Variants in SEMA4F observed in about 807,000 individuals in gnomAD.
SEMA4F encodes the protein semaphorin-4F.
A neutral mutation model predicts 78.4 loss-of-function variants in SEMA4F; 51 were observed. The ratio of observed to expected loss-of-function variants is 0.65; its 90% CI spans 0.52 to 0.82. SEMA4F has a LOEUF of 0.82. SEMA4F is among the 40% of genes least tolerant of loss of function. SEMA4F has a pLI of 0.00. For synonymous variants in SEMA4F, 418 were observed against 408.7 expected, an observed-to-expected ratio of 1.02 and a Z score of -0.27; for missense variants, 938 against 1,014.4, an observed-to-expected ratio of 0.92 and a Z score of 1.02.
the SEMA4F span, among the ~76,000 whole-genome samples, chr2:74,698,013 C>T: frequency 6.6e-6 from 1 of 152,136 alleles, no homozygotes; most frequent in Non-Finnish European, 1.5e-5. Flanking sequence ...TTGTCCAGGC[C>T]CTGGAATCAG....
chr2:74,655,548 C>T (rs1006949118), intron 1 of SEMA4F, among the ~76,000 whole-genome samples: 1 of 152,116 alleles, frequency 6.6e-6, no homozygotes, highest in Non-Finnish European at 1.5e-5. Flanking sequence ...AGACTAGTGC[C>T]ATATAGGGAT....
chr2:74,667,509 A>AT (rs1179794508), intron 5 of SEMA4F, among the ~76,000 whole-genome samples: 3 of 152,118 alleles, frequency 2.0e-5, no homozygotes, highest in Non-Finnish European at 4.4e-5. Context: ...ATATATTTTG[A>AT]TTGGCATTTC....
the SEMA4F span, among the ~76,000 whole-genome samples, chr2:74,693,769 C>T: frequency 2.0e-5 from 3 of 152,132 alleles, no homozygotes; most frequent in African/African-American, 7.2e-5. Flanking sequence ...AAATTGTCCT[C>T]TATCAGTTCA....
At chr2:74,663,170 C>G (rs1326712808) in intron 5 of SEMA4F, among the ~76,000 whole-genome samples, 3 of 152,160 alleles carry the variant, frequency 2.0e-5, no homozygotes, top group Non-Finnish European at 2.9e-5. Flanking sequence ...TAAAGAAGAA[C>G]ATGAAGAAAA....
intron 5 of SEMA4F, among the ~76,000 whole-genome samples, chr2:74,671,431 A>C (rs1396206322): frequency 6.6e-6 from 1 of 152,188 alleles, no homozygotes; most frequent in Admixed American, 6.5e-5. Flanking sequence ...CCCAGTGTGC[A>C]TGAGCCCTGT....
chr2:74,694,129 G>C, the SEMA4F span, among the ~76,000 whole-genome samples: 1 of 152,146 alleles, frequency 6.6e-6, no homozygotes, highest in African/African-American at 2.4e-5. Context: ...AGACAGTTGA[G>C]CCTGGAATTG....
intron 1 of SEMA4F, among the ~76,000 whole-genome samples, chr2:74,655,751 G>C (rs1319272786): frequency 6.6e-6 from 1 of 152,168 alleles, no homozygotes; most frequent in Non-Finnish European, 1.5e-5. Flanking sequence ...CTTATACTAA[G>C]CATGAGAGAG....
chr2:74,664,508 A>G (rs1042014141), intron 5 of SEMA4F, among the ~76,000 whole-genome samples: 1 of 152,040 alleles, frequency 6.6e-6, no homozygotes, highest in Non-Finnish European at 1.5e-5. Flanking sequence ...ACTGTATCAA[A>G]GGGTGTGAAC....
intron 5 of SEMA4F, among the ~76,000 whole-genome samples, chr2:74,667,738 C>T (rs1295093969): frequency 1.3e-5 from 2 of 152,198 alleles, no homozygotes. Flanking sequence ...GATTCCTTCT[C>T]AGTCTCCTTG....
intron 4 of SEMA4F, among the ~76,000 whole-genome samples, chr2:74,660,385 C>A (rs1684365636): frequency 6.6e-6 from 1 of 152,216 alleles, no homozygotes; most frequent in Non-Finnish European, 1.5e-5. Flanking sequence ...TACTAGGAAC[C>A]ATCTTTCTTT....
In SEMA4F at chr2:74,675,543, G is replaced by T. The variant is rs763030487; in HGVS notation, c.1391G>T (p.Arg464Leu). 1.9e-6 allele frequency: 3 copies of T among 1,614,122 alleles called. No individual in the cohort carries two copies. Among genetic ancestry groups the T allele is most frequent in the South Asian group, 1.1e-5 (1 of 91,070 alleles). ...YLGTEDGHLH[R>L]AVRIGAQLSV... is the part of the protein sequence containing the mutation. ...CCCCTAGAGGATGGACACCTCCACCGAGCAGTGCGGATCGGAGCTCAGCTC... is the reference window on the plus strand; with the variant it reads ...CCCCTAGAGGATGGACACCTCCACCTAGCAGTGCGGATCGGAGCTCAGCTC... The change falls in exon 11 of 14, where the codon CGA becomes CTA. Residue 464 changes from arginine to leucine, a missense_variant. Coordinates refer to ENST00000357877, the MANE Select transcript of SEMA4F (RefSeq NM_004263.5).
chr2:74,664,144 G>A (rs1684569843), intron 5 of SEMA4F, among the ~76,000 whole-genome samples: 1 of 152,152 alleles, frequency 6.6e-6, no homozygotes, highest in South Asian at 2.1e-4. Context: ...TCCAAATTCA[G>A]TGAAAAGCCA....
In SEMA4F at chr2:74,657,847, C is replaced by T. The variant is rs760013157; in HGVS notation, c.358-6C>T. ...CTGATTCTTTCTAACCGTCTCTGAC[C>T]CCCAGGACGAATGTCACAATTTTGT... On this transcript the variant is annotated splice_region_variant and splice_polypyrimidine_tract_variant and intron_variant, in intron 3 of 13. Coordinates refer to ENST00000357877, the MANE Select transcript of SEMA4F (RefSeq NM_004263.5). 6 of 1,613,208 alleles carry T rather than the reference C, an allele frequency of 3.7e-6. No individual in the cohort carries two copies. The Admixed American group carries it at 5.0e-5, about 13-fold the overall frequency.
At chr2:74,657,360 C>T (rs1442749420) in intron 2 of SEMA4F, among the ~76,000 whole-genome samples, 1 of 152,158 alleles carries the variant, frequency 6.6e-6, no homozygotes, top group Non-Finnish European at 1.5e-5. Context: ...TATTCTATTT[C>T]ATTAAAAATA....
At chr2:74,665,607 A>C (rs1684651781) in intron 5 of SEMA4F, among the ~76,000 whole-genome samples, 1 of 152,180 alleles carries the variant, frequency 6.6e-6, no homozygotes, top group African/African-American at 2.4e-5. Flanking sequence ...AAATGAGCAT[A>C]AAGTATATAT....
chr2:74,659,316 G>A (rs1157353868), intron 4 of SEMA4F, among the ~76,000 whole-genome samples: 3 of 152,188 alleles, frequency 2.0e-5, no homozygotes, highest in Non-Finnish European at 4.4e-5. Context: ...TATAGACAGT[G>A]TGATTGTTCT....
At position 74,681,607 on chromosome 2, in the gene SEMA4F, CCTT is replaced by C. The variant is rs1296857942; in HGVS notation, c.*1402_*1404del. ...TCCCTGGACTGGTAGCTGCTGGAGG[CCTT>C]CTTGTTTCTCCAGTCCCTGGAAGCT... On this transcript the variant is annotated 3_prime_UTR_variant, in exon 14 of 14. Transcript: ENST00000357877. 3 of 152,624 alleles carry C rather than the reference CCTT, an allele frequency of 2.0e-5. No individual in the cohort carries two copies. Among genetic ancestry groups the C allele is most frequent in the Non-Finnish European group, 4.4e-5 (3 of 68,076 alleles). 9.5% of individuals were successfully genotyped at this position (152,624 alleles called of 1,614,324 possible).
chr2:74,704,766 A>G, the SEMA4F span, among the ~76,000 whole-genome samples: 1 of 152,030 alleles, frequency 6.6e-6, no homozygotes, highest in African/African-American at 2.4e-5. Flanking sequence ...TGCCCTCCGA[A>G]TGGTCACTGG....
chr2:74,677,512 AT>A (rs1346339391), intron 12 of SEMA4F, among the ~76,000 whole-genome samples: 5 of 152,186 alleles, frequency 3.3e-5, no homozygotes, highest in Non-Finnish European at 5.9e-5. Context: ...CAGTGTTCTG[AT>A]TTCTTCAATT....
Sources: allele counts gnomAD v4.1 joint callset (sites outside exome capture counted in the v4.1 genomes callset), GRCh38; gene constraint gnomAD v4.1.1; transcripts MANE v1.5; gene names NCBI Gene and HGNC (gene_info 2026-07-23, HGNC 2026-07-21).